LRFN5: variants seen among roughly 807,000 people sequenced by gnomAD.
The protein encoded by LRFN5 is leucine-rich repeat and fibronectin type-III domain-containing protein 5.
In LRFN5, 24 loss-of-function variants were observed where a neutral mutation model predicts 45.6. That is an observed-to-expected ratio of 0.53 (90% CI 0.38 to 0.74). The LOEUF (loss-of-function observed/expected upper bound fraction) is 0.74, where lower values mean the gene tolerates loss of function less well. Ranked by LOEUF, LRFN5 falls within the 30% of genes least tolerant of loss-of-function variation. The pLI, the probability that LRFN5 is intolerant of heterozygous loss-of-function variation, is 0.00. For missense variants in LRFN5, 776 were observed against 861.5 expected (o/e 0.90, Z 1.24); for synonymous variants, 340 against 313.8 (o/e 1.08, Z -0.88).
rs11352345 is a variant in LRFN5, at chr14:41,659,892, G to GTTTTTTTTTT, written c.-197+51336_-197+51345dup. Among the ~76,000 whole-genome samples the GTTTTTTTTTT allele has an allele frequency of 7.0e-3, 866 of 123,728 alleles. 3 individuals are homozygous for GTTTTTTTTTT. The highest frequency in any genetic ancestry group is 0.01 in the Non-Finnish European group (595 of 56,898). 81.2% of individuals were successfully genotyped at this position (123,728 alleles called of 152,430 possible). ...TCATGTCCTTCACCCACTTTTTGATGTTTTTTTTTTTTTTTGTAAATTTGC... is the reference window on the plus strand; with the variant it reads ...TCATGTCCTTCACCCACTTTTTGATGTTTTTTTTTTTTTTTTTTTTTTTTTGTAAATTTGC... On this transcript the variant is annotated intron_variant, in intron 1 of 5. Coordinates refer to ENST00000298119, the MANE Select transcript of LRFN5 (RefSeq NM_152447.5).
intron 1 of LRFN5, among the ~76,000 whole-genome samples, chr14:41,641,493 T>C (rs1278424364): frequency 6.6e-6 from 1 of 152,112 alleles, no homozygotes; most frequent in Non-Finnish European, 1.5e-5. Flanking sequence ...TGAAACACCA[T>C]ACTATAGTAA....
intron 1 of LRFN5, among the ~76,000 whole-genome samples, chr14:41,748,698 A>G (rs1214492409): frequency 2.0e-5 from 3 of 152,078 alleles, no homozygotes; most frequent in African/African-American, 4.8e-5. Context: ...AAAAAAATGT[A>G]TGGTTCAGTA....
chr14:41,628,735 T>C (rs1166122772), intron 1 of LRFN5, among the ~76,000 whole-genome samples: 6 of 152,182 alleles, frequency 3.9e-5, no homozygotes. Flanking sequence ...TGAGCACCAA[T>C]ATGATGTCTG....
At chr14:41,893,142 TAA>T in intron 4 of LRFN5, 1 of 984,364 alleles carries the variant, frequency 1.0e-6, no homozygotes, top group Non-Finnish European at 1.2e-6. Context: ...TTTGCTATTT[TAA>T]CCAAAAACTG....
In LRFN5 at chr14:41,738,014, C is replaced by T. The variant is rs564295331; in HGVS notation, c.-196-28840C>T. 1.8e-4 allele frequency among the ~76,000 whole-genome samples: 28 copies of T among 152,172 alleles called. No homozygotes were observed. In the South Asian group the frequency reaches 5.8e-3, roughly 32 times the overall value. On this transcript the variant is annotated intron_variant, in intron 1 of 5. Coordinates refer to ENST00000298119, the MANE Select transcript of LRFN5 (RefSeq NM_152447.5). ...AAAAAACTTTAAATTTCATGTGGAA[C>T]CAAAAAAGAGCCTGTATAGCCAAGA...
chr14:41,624,839 A>G (rs1888267723), intron 1 of LRFN5, among the ~76,000 whole-genome samples: 1 of 152,144 alleles, frequency 6.6e-6, no homozygotes, highest in African/African-American at 2.4e-5. Context: ...CACAGGATTT[A>G]TAATTTTTTC....
chr14:41,691,664 T>C (rs577266977), intron 1 of LRFN5, among the ~76,000 whole-genome samples: 1 of 152,150 alleles, frequency 6.6e-6, no homozygotes, highest in African/African-American at 2.4e-5. Context: ...AGTTTGGCGA[T>C]TTTTTAACAA....
chr14:41,781,616 GAGAAAGAA>G (rs369101866), intron 2 of LRFN5, among the ~76,000 whole-genome samples: 58 of 59,670 alleles, frequency 9.7e-4, no homozygotes, highest in African/African-American at 3.6e-3. Context: ...AAGAAAGAAA[GAGAAAGAA>G]AGAAAGAAAG....
chr14:41,883,988 T>TA (rs575541522), intron 2 of LRFN5, among the ~76,000 whole-genome samples: 4 of 152,246 alleles, frequency 2.6e-5, no homozygotes, highest in African/African-American at 9.6e-5. Context: ...TTATCAGTAT[T>TA]ACAGCATGGT....
At chr14:41,680,380 G>A (rs1434737828) in intron 1 of LRFN5, among the ~76,000 whole-genome samples, 1 of 152,136 alleles carries the variant, frequency 6.6e-6, no homozygotes, top group Non-Finnish European at 1.5e-5. Context: ...AGGGGTGCTT[G>A]TGTCACTCCT....
intron 1 of LRFN5, among the ~76,000 whole-genome samples, chr14:41,734,037 T>A (rs1278895702): frequency 6.9e-6 from 1 of 145,514 alleles, no homozygotes; most frequent in Non-Finnish European, 1.5e-5. Context: ...TTCTTTTTTT[T>A]TTTTTGTGAT....
chr14:41,649,252 C>G (rs973675355), intron 1 of LRFN5, among the ~76,000 whole-genome samples: 6 of 150,700 alleles, frequency 4.0e-5, no homozygotes, highest in African/African-American at 1.5e-4. Context: ...CCCCCACCCC[C>G]CAAAAAAAGT....
intron 2 of LRFN5, among the ~76,000 whole-genome samples, chr14:41,850,611 A>T (rs1889232248): frequency 6.6e-6 from 1 of 151,920 alleles, no homozygotes; most frequent in Non-Finnish European, 1.5e-5. Flanking sequence ...CATTAAAAAG[A>T]ATAACAGTTT....
At chr14:41,867,285 G>T (rs1205519015) in intron 2 of LRFN5, among the ~76,000 whole-genome samples, 1 of 151,932 alleles carries the variant, frequency 6.6e-6, no homozygotes. Flanking sequence ...TATTTTAAAG[G>T]TATTATAATA....
chr14:41,825,084 A>T (rs1594442723), intron 2 of LRFN5, among the ~76,000 whole-genome samples: 1 of 152,200 alleles, frequency 6.6e-6, no homozygotes, highest in East Asian at 1.9e-4. Flanking sequence ...AGCCCAGAAC[A>T]GATAGCTCTG....
At chr14:41,815,837 C>A (rs1016854606) in intron 2 of LRFN5, among the ~76,000 whole-genome samples, 2 of 152,038 alleles carry the variant, frequency 1.3e-5, no homozygotes, top group Non-Finnish European at 2.9e-5. Context: ...GTTTCTTGAT[C>A]CACTTTGTTA....
At chr14:41,717,765 G>A (rs1341855516) in intron 1 of LRFN5, among the ~76,000 whole-genome samples, 1 of 152,076 alleles carries the variant, frequency 6.6e-6, no homozygotes, top group Non-Finnish European at 1.5e-5. Context: ...CATTGCTAAA[G>A]GTAAATTCTC....
At chr14:41,866,397 A>C (rs1889842157) in intron 2 of LRFN5, among the ~76,000 whole-genome samples, 1 of 152,108 alleles carries the variant, frequency 6.6e-6, no homozygotes, top group African/African-American at 2.4e-5. Context: ...CTAGGTTACC[A>C]TTAAAAGAGC....
intron 1 of LRFN5, among the ~76,000 whole-genome samples, chr14:41,702,169 C>G (rs563465136): frequency 6.6e-6 from 1 of 152,226 alleles, no homozygotes; most frequent in South Asian, 2.1e-4. Flanking sequence ...ATTAGCATGA[C>G]TCCATCTGTA....
Sources: gnomAD v4.1 joint callset for allele counts (sites outside exome capture counted in the v4.1 genomes callset) on GRCh38, gnomAD v4.1.1 for gene constraint, MANE v1.5 for transcripts, NCBI Gene and HGNC (gene_info 2026-07-23, HGNC 2026-07-21) for gene names.